Variants in SORCS2 observed in about 807,000 individuals in gnomAD.
SORCS2 encodes the protein VPS10 domain-containing receptor SorCS2.
In SORCS2, 100 loss-of-function variants were observed where a neutral mutation model predicts 141.6. The observed-to-expected ratio is 0.71, with a 90% CI of 0.60 to 0.83. The LOEUF is 0.83. Among genes scored for constraint, SORCS2 ranks in the 40% least tolerant of loss-of-function variants. The probability of loss-of-function intolerance (pLI) is 0.00; values close to 1 mark genes in which losing one functional copy is unlikely to be tolerated. For missense variants in SORCS2, 1,646 were observed against 1,560.2 expected, an observed-to-expected ratio of 1.05 and a Z score of -0.93; for synonymous variants, 789 against 676.9, an observed-to-expected ratio of 1.17 and a Z score of -2.57.
intron 2 of SORCS2, chr4:7,431,025 G>A (rs961747543): frequency 2.6e-5 from 4 of 152,330 alleles, no homozygotes; most frequent in African/African-American, 9.6e-5. Context: ...CGGGCACAGG[G>A]GATGGAGGTG....
intron 1 of SORCS2, among the ~76,000 whole-genome samples, chr4:7,204,883 T>C (rs1435530922): frequency 1.3e-5 from 2 of 152,218 alleles, no homozygotes; most frequent in South Asian, 4.1e-4. Flanking sequence ...CCCGGAGGCA[T>C]TGCTCGGCGC....
intron 1 of SORCS2, among the ~76,000 whole-genome samples, chr4:7,278,118 C>A (rs923780419): frequency 6.6e-6 from 1 of 152,182 alleles, no homozygotes; most frequent in Non-Finnish European, 1.5e-5. Flanking sequence ...TCCCAGGGCT[C>A]CCCGGTGCCC....
intron 2 of SORCS2, chr4:7,434,058 G>C: frequency 6.2e-7 from 1 of 1,611,308 alleles, no homozygotes; most frequent in South Asian, 1.1e-5. Flanking sequence ...CCAGCTCCAG[G>C]GAGGGGACCC....
At chr4:7,434,552 T>C in intron 2 of SORCS2, 1 of 1,613,464 alleles carries the variant, frequency 6.2e-7, no homozygotes, top group Non-Finnish European at 8.5e-7. Flanking sequence ...GCATCCACCA[T>C]CCACTTGCAT....
rs4689132 is a variant in SORCS2, at chr4:7,503,499, G to C, written c.549-28031G>C. ...AGACATAGAGGGGCAGAGACATAGA[G>C]AGACAGAGATGGAGACAGAGAGAGA... On this transcript the variant is annotated intron_variant, in intron 2 of 26. Coordinates refer to ENST00000507866, the MANE Select transcript of SORCS2 (RefSeq NM_020777.3). Among the ~76,000 whole-genome samples the C allele has an allele frequency of 4.7e-5, 4 of 84,440 alleles. No homozygotes were observed. In the South Asian group the frequency reaches 2.6e-3, roughly 55 times the overall value. 55.4% of individuals were successfully genotyped at this position (84,440 alleles called of 152,430 possible).
intron 1 of SORCS2, among the ~76,000 whole-genome samples, chr4:7,391,503 G>A (rs1010486975): frequency 6.6e-6 from 1 of 152,044 alleles, no homozygotes; most frequent in Admixed American, 6.5e-5. Flanking sequence ...AGGTGGGGCC[G>A]GCTGTGGTGA....
chr4:7,740,416 C>T lies in SORCS2; in HGVS notation c.*152C>T. ...ACAGGCACCACCCCCTCTGATAAAT[C>T]CAAGCCCGCCCAGGCCCACGGGGGG... On this transcript the variant is annotated 3_prime_UTR_variant, in exon 27 of 27. Transcript: ENST00000507866. 1 of 690,688 alleles carries T rather than the reference C, an allele frequency of 1.4e-6. No individual in the cohort carries two copies. The highest frequency in any genetic ancestry group is 2.5e-6 in the Non-Finnish European group (1 of 405,444). 42.8% of individuals were successfully genotyped at this position (690,688 alleles called of 1,614,324 possible). A position where few individuals can be genotyped will look rare whatever the true frequency, so the allele number is the denominator to read the frequency against.
At chr4:7,621,995 G>A (rs1309702363) in intron 3 of SORCS2, among the ~76,000 whole-genome samples, 1 of 152,162 alleles carries the variant, frequency 6.6e-6, no homozygotes, top group Non-Finnish European at 1.5e-5. Flanking sequence ...GTACTATCAG[G>A]ACTGATATCC....
intron 5 of SORCS2, among the ~76,000 whole-genome samples, chr4:7,660,767 G>A (rs1028799031): frequency 1.3e-5 from 2 of 152,240 alleles, no homozygotes; most frequent in African/African-American, 4.8e-5. Context: ...GCCCATGTGT[G>A]GGGACAGCCT....
chr4:7,691,586 C>A (rs1724259368), intron 11 of SORCS2, among the ~76,000 whole-genome samples: 1 of 152,014 alleles, frequency 6.6e-6, no homozygotes, highest in South Asian at 2.1e-4. Flanking sequence ...CAGTGACAGC[C>A]CATCTGGACA....
chr4:7,263,741 G>A (rs1714523323), intron 1 of SORCS2, among the ~76,000 whole-genome samples: 2 of 152,174 alleles, frequency 1.3e-5, no homozygotes, highest in African/African-American at 2.4e-5. Context: ...ATGCTGGTGT[G>A]GGGCTGGCAA....
intron 1 of SORCS2, among the ~76,000 whole-genome samples, chr4:7,200,206 C>T (rs561262639): frequency 1.1e-4 from 16 of 152,238 alleles, no homozygotes; most frequent in African/African-American, 3.6e-4. Flanking sequence ...CACCAGGGGC[C>T]GACTGAGGGG....
intron 12 of SORCS2, among the ~76,000 whole-genome samples, chr4:7,698,023 G>T (rs1410107971): frequency 6.6e-6 from 1 of 152,084 alleles, no homozygotes; most frequent in Non-Finnish European, 1.5e-5. Flanking sequence ...GCTGAGGGAG[G>T]GATGCCAGTC....
At chr4:7,452,389 G>A (rs531987875) in intron 2 of SORCS2, among the ~76,000 whole-genome samples, 30 of 152,304 alleles carry the variant, frequency 2.0e-4, no homozygotes, top group African/African-American at 5.8e-4. Context: ...TGATCCACCT[G>A]CCTTGGCCTC....
At chr4:7,547,654 A>C in intron 3 of SORCS2, among the ~76,000 whole-genome samples, 1 of 149,932 alleles carries the variant, frequency 6.7e-6, no homozygotes, top group South Asian at 2.1e-4. Context: ...CCTTCCACCC[A>C]CCTCCCTCCC....
chr4:7,476,960 C>A (rs1036395463), intron 2 of SORCS2, among the ~76,000 whole-genome samples: 1 of 152,212 alleles, frequency 6.6e-6, no homozygotes, highest in African/African-American at 2.4e-5. Flanking sequence ...GCTGTCCAGG[C>A]AAATTCCCCA....
intron 3 of SORCS2, among the ~76,000 whole-genome samples, chr4:7,594,424 T>C (rs4689144): frequency 0.55 from 84,449 of 152,166 alleles, 23,768 homozygotes; most frequent in East Asian, 0.73. Flanking sequence ...AGGCAGCTGC[T>C]GCCCGAGGAA....
intron 1 of SORCS2, among the ~76,000 whole-genome samples, chr4:7,211,668 C>T (rs956948331): frequency 3.9e-5 from 6 of 152,170 alleles, no homozygotes; most frequent in Admixed American, 6.5e-5. Context: ...CCACCATGTC[C>T]GGCCTAGGAT....
rs143583944 is a variant in SORCS2 at position 7,693,655 on chromosome 4, G to A, written c.1592-3543G>A. ...CATCCCTAGCCCTGGCAGAGGTGAT[G>A]GTAGCATTTAGCCAAGAAAAGCTTG... is the stretch of plus-strand genomic sequence containing the variant. On this transcript the variant is annotated intron_variant, in intron 11 of 26. Transcript: ENST00000507866. Among the ~76,000 whole-genome samples the A allele has an allele frequency of 2.0e-4, 30 of 152,374 alleles. No individual in the cohort carries two copies. The East Asian group carries it at 5.6e-3, about 28-fold the overall frequency.
Sources: gnomAD v4.1 joint callset for allele counts (sites outside exome capture counted in the v4.1 genomes callset) on GRCh38, gnomAD v4.1.1 for gene constraint, MANE v1.5 for transcripts, NCBI Gene and HGNC (gene_info 2026-07-23, HGNC 2026-07-21) for gene names.